SESN1: variants seen among roughly 807,000 people sequenced by gnomAD.
SESN1 encodes the protein sestrin 1, also known as sestrin-1.
Under a neutral mutation model 59.3 loss-of-function variants are expected in SESN1, and 30 were observed. The ratio of observed to expected loss-of-function variants is 0.51; its 90% CI spans 0.38 to 0.69. The LOEUF (loss-of-function observed/expected upper bound fraction) is 0.69, where lower values mean the gene tolerates loss of function less well. Ranked by LOEUF, SESN1 falls within the 30% of genes least tolerant of loss-of-function variation. The probability of loss-of-function intolerance (pLI) is 0.00; values close to 1 mark genes in which losing one functional copy is unlikely to be tolerated. For missense variants in SESN1, 566 were observed against 673.0 expected, an observed-to-expected ratio of 0.84 and a Z score of 1.76; for synonymous variants, 197 against 219.9, an observed-to-expected ratio of 0.90 and a Z score of 0.92.
At chr6:109,002,582 A>T (rs1347193744) in intron 1 of SESN1, among the ~76,000 whole-genome samples, 1 of 152,230 alleles carries the variant, frequency 6.6e-6, no homozygotes, top group East Asian at 1.9e-4. Context: ...AGTTTTGCAT[A>T]AAGTACTTGG....
chr6:108,989,077 A>G (rs1282688077), intron 8 of SESN1, among the ~76,000 whole-genome samples: 2 of 152,104 alleles, frequency 1.3e-5, no homozygotes, highest in Non-Finnish European at 2.9e-5. Flanking sequence ...ATCTTGGCTT[A>G]TTGCAACCTC....
chr6:109,031,218 G>A (rs1234186152), intron 1 of SESN1, among the ~76,000 whole-genome samples: 3 of 152,146 alleles, frequency 2.0e-5, no homozygotes, highest in Non-Finnish European at 2.9e-5. Context: ...AGTGGGAAAC[G>A]GTCAGTTTTA....
chr6:109,046,797 C>T (rs1780449868), intron 1 of SESN1, among the ~76,000 whole-genome samples: 1 of 136,032 alleles, frequency 7.4e-6, no homozygotes, highest in Non-Finnish European at 1.6e-5. Context: ...AGGTGAGGAG[C>T]GTCTCTGCCC....
chr6:109,073,242 C>T (rs1780969296), intron 1 of SESN1, among the ~76,000 whole-genome samples: 1 of 152,102 alleles, frequency 6.6e-6, no homozygotes, highest in Non-Finnish European at 1.5e-5. Flanking sequence ...TGAATGTAAG[C>T]TCTACGAGGG....
At chr6:109,043,562 T>C (rs947762418) in intron 1 of SESN1, among the ~76,000 whole-genome samples, 5 of 152,160 alleles carry the variant, frequency 3.3e-5, no homozygotes, top group Non-Finnish European at 5.9e-5. Context: ...AGTGAATTGC[T>C]TTTCTATAGA....
intron 1 of SESN1, chr6:109,009,330 G>C (rs1399132730): frequency 6.8e-7 from 1 of 1,461,946 alleles, no homozygotes; most frequent in African/African-American, 1.5e-5. Context: ...CAGGTACCCA[G>C]CGGCCCGCTC....
intron 1 of SESN1, among the ~76,000 whole-genome samples, chr6:109,088,647 A>T (rs1400685933): frequency 6.6e-6 from 1 of 152,200 alleles, no homozygotes; most frequent in African/African-American, 2.4e-5. Flanking sequence ...CCATTCTTGG[A>T]AAAGTACTTG....
At position 109,001,326 on chromosome 6, in the gene SESN1, G is replaced by A. The variant is rs771384645; in HGVS notation, c.508C>T (p.Pro170Ser). ...TAGTGACGATAATGTAGGGGTAACG[G>A]CCCATCCATTTGCAGTAGATAGTGC... ...TQHYLLQMDG[P>S]LPLHYRHYIG... is the part of the protein sequence containing the mutation. The change falls in exon 3 of 10, where the codon CCG (proline) becomes TCG (serine). Residue 170 changes from proline to serine, a missense_variant. Pro to Ser is a moderately conservative substitution (Grantham distance 74). Coordinates refer to ENST00000436639, the MANE Select transcript of SESN1 (RefSeq NM_014454.3). The A allele has an allele frequency of 6.2e-7, 1 of 1,613,774 alleles. No homozygotes were observed. The highest frequency in any genetic ancestry group is 8.5e-7 in the Non-Finnish European group (1 of 1,179,744).
At position 109,040,329 on chromosome 6, in the gene SESN1, C is replaced by T. The variant is rs572176750; in HGVS notation, c.280-37986G>A. Among the ~76,000 whole-genome samples, 187 of 152,042 alleles carry T rather than the reference C, an allele frequency of 1.2e-3. 1 individual carries two copies. Among genetic ancestry groups the T allele is most frequent in the African/African-American group, 4.1e-3 (168 of 41,468 alleles). On this transcript the variant is annotated intron_variant, in intron 1 of 9. Coordinates refer to ENST00000436639, the MANE Select transcript of SESN1 (RefSeq NM_014454.3). ...CAAATTATGCAGAAAAGTATTACGA[C>T]TGAGGATTTTTTAGGGGGAGTAATA...
chr6:109,061,116 A>G (rs1336886113), intron 1 of SESN1, among the ~76,000 whole-genome samples: 1 of 152,222 alleles, frequency 6.6e-6, no homozygotes, highest in Non-Finnish European at 1.5e-5. Context: ...ACTCAGTTGT[A>G]TATCTGACTT....
chr6:109,064,431 T>C lies in SESN1; in HGVS notation c.279+29364A>G, dbSNP rs560022819. Among the ~76,000 whole-genome samples the C allele has an allele frequency of 5.3e-5, 8 of 150,650 alleles. No individual in the cohort carries two copies. In the East Asian group the frequency reaches 1.6e-3, roughly 30 times the overall value. On this transcript the variant is annotated intron_variant, in intron 1 of 9. Coordinates refer to ENST00000436639, the MANE Select transcript of SESN1 (RefSeq NM_014454.3). ...AATACTCTGCCCAATGATGTACTAA[T>C]TAACACCAAAATAGAAAATGATTTA...
At chr6:109,023,973 T>TCA (rs146947558) in intron 1 of SESN1, among the ~76,000 whole-genome samples, 10 of 151,782 alleles carry the variant, frequency 6.6e-5, no homozygotes, top group African/African-American at 1.9e-4. Flanking sequence ...AATTCAATGA[T>TCA]CACACACACA....
intron 1 of SESN1, among the ~76,000 whole-genome samples, chr6:109,050,546 T>C (rs1780525832): frequency 2.0e-5 from 3 of 152,224 alleles, no homozygotes; most frequent in South Asian, 4.1e-4. Context: ...TCTGAAAGAC[T>C]GATGAAATTA....
At chr6:109,069,032 A>G (rs962347260) in intron 1 of SESN1, among the ~76,000 whole-genome samples, 6 of 151,956 alleles carry the variant, frequency 3.9e-5, no homozygotes, top group Admixed American at 2.6e-4. Context: ...GAAATTTCAA[A>G]CTCTAAAGAT....
chr6:109,084,998 C>T (rs10046268), intron 1 of SESN1, among the ~76,000 whole-genome samples: 4,023 of 151,876 alleles, frequency 0.026, 204 homozygotes, highest in African/African-American at 0.093. Context: ...CAGAAACTCT[C>T]AAAGTATCTC....
At position 108,987,570 on chromosome 6, in the gene SESN1, T is replaced by G; in HGVS notation, c.1630A>C (p.Arg544=). The G allele has an allele frequency of 6.2e-7, 1 of 1,604,140 alleles. No homozygotes were observed. Among genetic ancestry groups the G allele is most frequent in the Admixed American group, 1.7e-5 (1 of 59,990 alleles). The part of the protein sequence containing the change: ...RMQAELLYAL[R]AITRYMT ...CAGGTCATATAGCGGGTAATGGCTC[T>G]CAGAGCATAAAGGAGTTCTGCTTGC... The change falls in exon 10 of 10, where the codon AGA becomes CGA. Residue 544 remains arginine, a synonymous_variant. Coordinates refer to ENST00000436639, the MANE Select transcript of SESN1 (RefSeq NM_014454.3).
rs1043893416 is a variant in SESN1, at chr6:109,035,898, C to T, written c.280-33555G>A. Reference sequence around the variant, plus strand: ...GCTGGGATTACAGACGTGACCACTGCACCACTATCACATATTAATGATTAA... The same window carrying T: ...GCTGGGATTACAGACGTGACCACTGTACCACTATCACATATTAATGATTAA... On this transcript the variant is annotated intron_variant, in intron 1 of 9. Coordinates refer to ENST00000436639, the MANE Select transcript of SESN1 (RefSeq NM_014454.3). Among the ~76,000 whole-genome samples, 27 of 152,180 alleles carry T rather than the reference C, an allele frequency of 1.8e-4. 1 individual carries two copies. The highest frequency in any genetic ancestry group is 6.3e-4 in the African/African-American group (26 of 41,446).
At chr6:109,041,412 A>T (rs1780341023) in intron 1 of SESN1, among the ~76,000 whole-genome samples, 1 of 152,234 alleles carries the variant, frequency 6.6e-6, no homozygotes, top group African/African-American at 2.4e-5. Context: ...TCTACCAAAC[A>T]TACTTGTACA....
intron 1 of SESN1, 146 bp from the exon 2 acceptor site, chr6:109,002,489 T>A: frequency 1.6e-6 from 1 of 616,128 alleles, no homozygotes. Context: ...ACATACCAAC[T>A]CTTCTGTTAG....
Sources: allele counts gnomAD v4.1 joint callset (sites outside exome capture counted in the v4.1 genomes callset), GRCh38; gene constraint gnomAD v4.1.1; transcripts MANE v1.5; gene names NCBI Gene and HGNC (gene_info 2026-07-23, HGNC 2026-07-21).